SLC38A9: variants seen among roughly 807,000 people sequenced by gnomAD.
The protein encoded by SLC38A9 is solute carrier family 38 member 9.
In SLC38A9, 48 loss-of-function variants were observed where a neutral mutation model predicts 62.3. The observed-to-expected ratio is 0.77, with a 90% CI of 0.61 to 0.98. SLC38A9 has a LOEUF of 0.98. SLC38A9 is among the 50% of genes least tolerant of loss of function. SLC38A9 has a pLI of 0.00. For synonymous variants in SLC38A9, 204 were observed against 227.7 expected (o/e 0.90, Z 0.94); for missense variants, 541 against 679.8 (o/e 0.80, Z 2.27).
At chr5:55,677,046 C>T (rs936161819) in intron 3 of SLC38A9, among the ~76,000 whole-genome samples, 2 of 152,104 alleles carry the variant, frequency 1.3e-5, no homozygotes, top group African/African-American at 4.8e-5. Flanking sequence ...TTGAACCTGA[C>T]ATTAAACATG....
intron 13 of SLC38A9, 30 bp from the exon 14 acceptor site, chr5:55,633,932 TA>T: frequency 6.5e-7 from 1 of 1,542,596 alleles, no homozygotes; most frequent in South Asian, 1.2e-5. Context: ...GAGGTCATGT[TA>T]AAAATCAAAT....
chr5:55,672,726 T>C (rs764586190), intron 3 of SLC38A9, 31 bp from the exon 4 acceptor site: 14 of 1,589,434 alleles, frequency 8.8e-6, no homozygotes, highest in South Asian at 2.3e-5. Context: ...TGACAAAAAG[T>C]GTTCAGCCAA....
At chr5:55,704,159 C>T (rs1421925735) in intron 2 of SLC38A9, 2 of 152,018 alleles carry the variant, frequency 1.3e-5, no homozygotes, top group Non-Finnish European at 2.9e-5. Flanking sequence ...AAGAGTGAGA[C>T]CTTGTCTCAA....
chr5:55,646,365 C>T (rs1172785830), intron 11 of SLC38A9, among the ~76,000 whole-genome samples: 1 of 151,516 alleles, frequency 6.6e-6, no homozygotes, highest in Non-Finnish European at 1.5e-5. Flanking sequence ...AGCGAGACTC[C>T]ATCTCAAAAA....
intron 14 of SLC38A9, among the ~76,000 whole-genome samples, chr5:55,628,201 A>C (rs1235931138): frequency 6.6e-6 from 1 of 152,132 alleles, no homozygotes; most frequent in Non-Finnish European, 1.5e-5. Context: ...TAAATTTTGT[A>C]GAAGTACACT....
intron 15 of SLC38A9, among the ~76,000 whole-genome samples, 164 bp downstream of exon 15, chr5:55,627,727 T>A (rs911302196): frequency 1.3e-5 from 2 of 152,074 alleles, no homozygotes; most frequent in Non-Finnish European, 2.9e-5. Flanking sequence ...AAAGGGAAGA[T>A]AATGAGCATC....
At chr5:55,635,490 T>C in intron 13 of SLC38A9, 54 bp downstream of exon 13, 1 of 1,295,830 alleles carries the variant, frequency 7.7e-7, no homozygotes, top group Non-Finnish European at 1.1e-6. Context: ...CCCTACCTAC[T>C]ATAAATACAT....
chr5:55,669,413 A>T, intron 6 of SLC38A9, 92 bp from the exon 7 acceptor site: 1 of 1,336,806 alleles, frequency 7.5e-7, no homozygotes, highest in East Asian at 2.3e-5. Flanking sequence ...CATGATAAAA[A>T]CTTGACAACT....
At chr5:55,703,342 T>C (rs7734597) in intron 2 of SLC38A9, among the ~76,000 whole-genome samples, 91,410 of 152,084 alleles carry the variant, frequency 0.6, 28,062 homozygotes, top group South Asian at 0.7. Context: ...TCTATACCAA[T>C]TGCTAGCTCT....
intron 3 of SLC38A9, among the ~76,000 whole-genome samples, chr5:55,680,226 T>TATAG (rs776736391): frequency 3.2e-4 from 49 of 151,348 alleles, no homozygotes; most frequent in African/African-American, 1.2e-3. Flanking sequence ...TATATATATA[T>TATAG]AGAGAGAGAG....
chr5:55,686,292 C>T (rs530827508), intron 3 of SLC38A9, among the ~76,000 whole-genome samples: 5 of 152,194 alleles, frequency 3.3e-5, no homozygotes, highest in Admixed American at 3.3e-4. Flanking sequence ...GCATCTGTTA[C>T]TTTTTAACTT....
At chr5:55,700,421 T>G (rs1213029588) in intron 2 of SLC38A9, among the ~76,000 whole-genome samples, 4 of 151,678 alleles carry the variant, frequency 2.6e-5, no homozygotes, top group Non-Finnish European at 4.4e-5. Context: ...ACGAAGGTCT[T>G]GGAATTAAAA....
intron 7 of SLC38A9, among the ~76,000 whole-genome samples, chr5:55,667,523 A>C (rs956579793): frequency 1.3e-5 from 2 of 151,106 alleles, no homozygotes; most frequent in African/African-American, 4.9e-5. Flanking sequence ...CTTAATAATG[A>C]AACATCCTTG....
intron 2 of SLC38A9, among the ~76,000 whole-genome samples, chr5:55,710,552 A>G (rs929204842): frequency 6.6e-6 from 1 of 152,202 alleles, no homozygotes; most frequent in Non-Finnish European, 1.5e-5. Flanking sequence ...TTTATGAGGC[A>G]GAGAGATTTT....
chr5:55,667,088 G>A (rs1260782923), intron 7 of SLC38A9, among the ~76,000 whole-genome samples: 3 of 152,142 alleles, frequency 2.0e-5, no homozygotes, highest in Non-Finnish European at 4.4e-5. Flanking sequence ...CCAGCTACTC[G>A]GGAGGCTGAG....
intron 3 of SLC38A9, among the ~76,000 whole-genome samples, chr5:55,678,649 T>G (rs13180392): frequency 0.21 from 5,011 of 24,220 alleles, 254 homozygotes; most frequent in South Asian, 0.34. Context: ...AATGAACTTT[T>G]TTTTTTTTTT....
intron 12 of SLC38A9, among the ~76,000 whole-genome samples, chr5:55,636,074 T>C (rs1372040998): frequency 2.6e-5 from 4 of 152,208 alleles, no homozygotes; most frequent in Non-Finnish European, 5.9e-5. Flanking sequence ...TAAAAATTCG[T>C]CCTTTGGTAA....
At chr5:55,643,880 T>C (rs371012010) in intron 12 of SLC38A9, among the ~76,000 whole-genome samples, 2 of 152,264 alleles carry the variant, frequency 1.3e-5, no homozygotes, top group East Asian at 3.8e-4. Context: ...TTGCATGGTA[T>C]ATCTTTATGT....
rs1157691760 is a variant in SLC38A9, at chr5:55,651,248, CTT to C, written c.952+1279_952+1280del. On this transcript the variant is annotated intron_variant, in intron 10 of 15. Coordinates refer to ENST00000396865, the MANE Select transcript of SLC38A9 (RefSeq NM_173514.4). The stretch of plus-strand genomic sequence containing the variant: ...TCACTGGGGGGGTTCCTTTTGCCAT[CTT>C]TTTTTTTTTTTTTTTTTTAAGACAG... Among the ~76,000 whole-genome samples, 22 of 117,606 alleles carry C rather than the reference CTT, an allele frequency of 1.9e-4. 1 individual carries two copies. Among genetic ancestry groups the C allele is most frequent in the African/African-American group, 4.6e-4 (14 of 30,688 alleles). 77.2% of individuals were successfully genotyped at this position (117,606 alleles called of 152,430 possible). A position where few individuals can be genotyped will look rare whatever the true frequency, so the allele number is the denominator to read the frequency against.
Sources: gnomAD v4.1 joint callset for allele counts (sites outside exome capture counted in the v4.1 genomes callset) on GRCh38, gnomAD v4.1.1 for gene constraint, MANE v1.5 for transcripts, NCBI Gene and HGNC (gene_info 2026-07-23, HGNC 2026-07-21) for gene names.